SPECC1: variants seen among roughly 807,000 people sequenced by gnomAD.
SPECC1 encodes sperm antigen with calponin homology and coiled-coil domains 1.
Under a neutral mutation model 104.1 loss-of-function variants are expected in SPECC1, and 62 were observed. The observed-to-expected ratio is 0.60, with a 90% confidence interval of 0.49 to 0.74. SPECC1 has a LOEUF of 0.74. SPECC1 is among the 30% of genes least tolerant of loss of function. The pLI is 0.00. For synonymous variants in SPECC1, 513 were observed against 501.6 expected, an observed-to-expected ratio of 1.02 and a Z score of -0.30; for missense variants, 1,306 against 1,310.5, an observed-to-expected ratio of 1.00 and a Z score of 0.05.
intron 12 of SPECC1, among the ~76,000 whole-genome samples, chr17:20,279,192 T>G (rs1274913884): frequency 6.6e-6 from 1 of 152,184 alleles, no homozygotes; most frequent in Non-Finnish European, 1.5e-5. Context: ...CTCTTACTCG[T>G]GAAATGTTCA....
At chr17:20,148,577 T>G (rs565277801) in intron 3 of SPECC1, among the ~76,000 whole-genome samples, 2 of 149,802 alleles carry the variant, frequency 1.3e-5, no homozygotes, top group South Asian at 4.2e-4. Context: ...ATAAAAGAAC[T>G]TATATAAAGG....
chr17:20,245,546 C>T (rs960453027), intron 7 of SPECC1, among the ~76,000 whole-genome samples: 8 of 152,174 alleles, frequency 5.3e-5, no homozygotes, highest in Admixed American at 2.0e-4. Flanking sequence ...GAGCACATGT[C>T]GGCAGCCGGT....
At chr17:20,065,225 C>T (rs2046318666) in intron 1 of SPECC1, among the ~76,000 whole-genome samples, 1 of 152,244 alleles carries the variant, frequency 6.6e-6, no homozygotes, top group South Asian at 2.1e-4. Context: ...TAGTGGACAC[C>T]AGCTAGGTGT....
At chr17:20,134,096 T>C (rs951757124) in intron 3 of SPECC1, among the ~76,000 whole-genome samples, 10 of 150,406 alleles carry the variant, frequency 6.6e-5, no homozygotes, top group African/African-American at 2.4e-5. Context: ...TACAAACATG[T>C]ATATATTTAT....
intron 3 of SPECC1, among the ~76,000 whole-genome samples, chr17:20,192,008 C>G (rs900511843): frequency 9.9e-5 from 15 of 152,220 alleles, no homozygotes; most frequent in African/African-American, 3.4e-4. Flanking sequence ...GCAATTATGA[C>G]TTACTGCAGC....
chr17:20,033,923 T>C (rs1235483452), intron 1 of SPECC1, among the ~76,000 whole-genome samples: 2 of 152,178 alleles, frequency 1.3e-5, no homozygotes, highest in Non-Finnish European at 1.5e-5. Flanking sequence ...GACAGTGATA[T>C]TGATAGGGCT....
At position 20,122,138 on chromosome 17, in the gene SPECC1, G is replaced by A. The variant is rs137995259; in HGVS notation, c.283+11576G>A. Among the ~76,000 whole-genome samples, 980 of 152,256 alleles carry A rather than the reference G, an allele frequency of 6.4e-3. 11 individuals are homozygous for A. Among genetic ancestry groups the A allele is most frequent in the African/African-American group, 0.022 (932 of 41,536 alleles). On this transcript the variant is annotated intron_variant, in intron 3 of 14. Coordinates refer to ENST00000395527, the MANE Select transcript of SPECC1 (RefSeq NM_001243439.2). ...AAGGGAGTGGCAGGAAGACCAGTGG[G>A]GCCGCAGCAGAGTGAACAAGCAGTT...
chr17:20,069,720 C>T (rs1490872393), intron 1 of SPECC1, among the ~76,000 whole-genome samples: 1 of 152,018 alleles, frequency 6.6e-6, no homozygotes, highest in East Asian at 1.9e-4. Context: ...CATGGGATGT[C>T]TGTTTATTTA....
At chr17:20,199,526 A>G (rs1365983763) in intron 3 of SPECC1, among the ~76,000 whole-genome samples, 1 of 149,520 alleles carries the variant, frequency 6.7e-6, no homozygotes, top group African/African-American at 2.5e-5. Context: ...TCATCCTTCC[A>G]AGTGGCTGGG....
chr17:20,247,073 G>A (rs543825238), intron 8 of SPECC1, 146 bp from the exon 9 acceptor site: 217 of 537,902 alleles, frequency 4.0e-4, no homozygotes, highest in Admixed American at 1.6e-3. Context: ...GCTCTAGTCC[G>A]GAGAAGAAAA....
intron 1 of SPECC1, among the ~76,000 whole-genome samples, chr17:20,039,478 C>T (rs1445367163): frequency 2.0e-5 from 3 of 152,112 alleles, no homozygotes; most frequent in Non-Finnish European, 2.9e-5. Context: ...ATAGCCACTC[C>T]TTTCTTTTGA....
intron 2 of SPECC1, among the ~76,000 whole-genome samples, chr17:20,106,584 A>G (rs114669276): frequency 2.1e-3 from 321 of 152,276 alleles, no homozygotes; most frequent in African/African-American, 7.5e-3. Context: ...TGCTGTTCTC[A>G]TGATAGTGAA....
chr17:20,023,258 A>G (rs2044465722), intron 1 of SPECC1, among the ~76,000 whole-genome samples: 1 of 152,188 alleles, frequency 6.6e-6, no homozygotes, highest in Admixed American at 6.5e-5. Flanking sequence ...TGCAGACTGT[A>G]GTTTCTGATC....
chr17:20,306,723 C>G (rs772042447), intron 14 of SPECC1, among the ~76,000 whole-genome samples: 2 of 152,170 alleles, frequency 1.3e-5, no homozygotes, highest in East Asian at 1.9e-4. Context: ...GGAAACAGGG[C>G]CAGATGAGGT....
At chr17:20,137,759 G>A (rs986578108) in intron 3 of SPECC1, among the ~76,000 whole-genome samples, 3 of 151,876 alleles carry the variant, frequency 2.0e-5, no homozygotes, top group East Asian at 1.9e-4. Flanking sequence ...TCTGCCTCCC[G>A]GGTTCAAGTG....
chr17:20,185,878 C>T (rs1240898945), intron 3 of SPECC1, among the ~76,000 whole-genome samples: 1 of 152,176 alleles, frequency 6.6e-6, no homozygotes, highest in African/African-American at 2.4e-5. Context: ...CTCTGTGTTG[C>T]CCAGGCTGGA....
intron 2 of SPECC1, among the ~76,000 whole-genome samples, chr17:20,099,991 T>G (rs1007432867): frequency 1.3e-5 from 2 of 152,186 alleles, no homozygotes; most frequent in African/African-American, 4.8e-5. Flanking sequence ...TCCCATATAC[T>G]TTAAGTGATC....
intron 7 of SPECC1, among the ~76,000 whole-genome samples, chr17:20,234,475 C>G (rs2038787821): frequency 6.6e-6 from 1 of 152,200 alleles, no homozygotes; most frequent in Non-Finnish European, 1.5e-5. Context: ...CTTCCAGCAC[C>G]TACCCCATGA....
chr17:20,256,279 C>T (rs936394719), intron 10 of SPECC1, among the ~76,000 whole-genome samples: 2 of 152,102 alleles, frequency 1.3e-5, no homozygotes, highest in African/African-American at 4.8e-5. Flanking sequence ...TACTTAGCCC[C>T]CACCAGGCAC....
Sources: gnomAD v4.1 joint callset for allele counts (sites outside exome capture counted in the v4.1 genomes callset) on GRCh38, gnomAD v4.1.1 for gene constraint, MANE v1.5 for transcripts, NCBI Gene and HGNC (gene_info 2026-07-23, HGNC 2026-07-21) for gene names.